Variants in KMT2C observed in about 807,000 individuals in gnomAD.
The protein encoded by KMT2C is histone-lysine N-methyltransferase 2C.
Under a neutral mutation model 507.9 loss-of-function variants are expected in KMT2C, and 88 were observed. That is an observed-to-expected ratio of 0.17 (90% CI 0.15 to 0.21). The LOEUF (loss-of-function observed/expected upper bound fraction) is 0.21, where lower values mean the gene tolerates loss of function less well. Among genes scored for constraint, KMT2C ranks in the 10% least tolerant of loss-of-function variants. The pLI, the probability that KMT2C is intolerant of heterozygous loss-of-function variation, is 1.00. For missense variants in KMT2C, 4,954 were observed against 5,957.8 expected (o/e 0.83, Z 5.55); for synonymous variants, 2,049 against 2,080.8 (o/e 0.98, Z 0.42).
intron 37 of KMT2C, among the ~76,000 whole-genome samples, chr7:152,178,310 C>G (rs2093300021): frequency 6.6e-6 from 1 of 152,020 alleles, no homozygotes; most frequent in Non-Finnish European, 1.5e-5. Context: ...ATCAATTGTT[C>G]AGAGATAAGA....
At position 152,187,829 on chromosome 7, in the gene KMT2C, G is replaced by C; in HGVS notation, c.4679C>G (p.Pro1560Arg). ...GGATCCAATAAGGCCATTCATGAGA[G>C]GCATCCGTGAAAAAGCATCTTCAGA... ...IHNQDAFSRMPLMNGLIGSSP... is the reference protein window; with the variant it reads ...IHNQDAFSRMRLMNGLIGSSP... Residue 1560 changes from proline to arginine, a missense_variant, in exon 32 of 59, where the codon CCT becomes CGT. By Grantham distance (103) the Pro-to-Arg change is moderately radical. Transcript: ENST00000262189. The C allele has an allele frequency of 6.2e-7, 1 of 1,612,426 alleles. No individual in the cohort carries two copies. The highest frequency in any genetic ancestry group is 1.1e-5 in the South Asian group (1 of 90,548).
chr7:152,369,931 G>A (rs563079998), intron 1 of KMT2C, among the ~76,000 whole-genome samples: 1 of 152,264 alleles, frequency 6.6e-6, no homozygotes, highest in African/African-American at 2.4e-5. Flanking sequence ...TGACAATAAG[G>A]TTGGGTGCGG....
intron 49 of KMT2C, 26 bp downstream of exon 49, chr7:152,152,679 G>T (rs2129097385): frequency 1.9e-6 from 3 of 1,610,662 alleles, no homozygotes; most frequent in East Asian, 4.5e-5. Flanking sequence ...ATGGATTTGG[G>T]GTTAACAAAA....
chr7:152,203,599 G>A (rs146738623), intron 25 of KMT2C, among the ~76,000 whole-genome samples: 1 of 152,226 alleles, frequency 6.6e-6, no homozygotes, highest in East Asian at 1.9e-4. Flanking sequence ...ACTTATTCTT[G>A]AAATCAGAAA....
Position 152,417,189 on chromosome 7 carries a change from G to C in KMT2C, c.161+18437C>G, listed in dbSNP as rs146163735. 1.1e-4 allele frequency among the ~76,000 whole-genome samples: 17 copies of C among 152,158 alleles called. No homozygotes were observed. In the East Asian group the frequency reaches 3.3e-3, roughly 29 times the overall value. On this transcript the variant is annotated intron_variant, in intron 1 of 58. Coordinates refer to ENST00000262189, the MANE Select transcript of KMT2C (RefSeq NM_170606.3). ...AAGAACTTACTAAGTAATAGGCACAGCTCACTGCAACCACTTCCTCCCAGG... is the reference window on the plus strand; with the variant it reads ...AAGAACTTACTAAGTAATAGGCACACCTCACTGCAACCACTTCCTCCCAGG...
intron 3 of KMT2C, among the ~76,000 whole-genome samples, chr7:152,325,921 T>C (rs2129208871): frequency 6.6e-6 from 1 of 152,220 alleles, no homozygotes; most frequent in Non-Finnish European, 1.5e-5. Flanking sequence ...CTTTTTTTTT[T>C]TTTTTAAAGT....
intron 1 of KMT2C, among the ~76,000 whole-genome samples, chr7:152,425,201 G>A (rs891677206): frequency 6.6e-6 from 1 of 151,990 alleles, no homozygotes; most frequent in Admixed American, 6.6e-5. Flanking sequence ...TAAAATGAGG[G>A]GTTAGACTCA....
chr7:152,390,512 T>C (rs553290992), intron 1 of KMT2C, among the ~76,000 whole-genome samples: 6 of 152,410 alleles, frequency 3.9e-5, no homozygotes, highest in Admixed American at 2.6e-4. Flanking sequence ...AAAATGGTCA[T>C]TATAGCTACT....
chr7:152,159,233 C>T (rs2092297288), intron 43 of KMT2C, among the ~76,000 whole-genome samples, 161 bp from the exon 44 acceptor site: 1 of 152,176 alleles, frequency 6.6e-6, no homozygotes, highest in Non-Finnish European at 1.5e-5. Flanking sequence ...TCCAAAAACA[C>T]CATCCTTTTC....
At chr7:152,359,931 C>A (rs1014815788) in intron 1 of KMT2C, among the ~76,000 whole-genome samples, 1 of 151,204 alleles carries the variant, frequency 6.6e-6, no homozygotes, top group Non-Finnish European at 1.5e-5. Flanking sequence ...TGCCTGTAAT[C>A]CCAGCTACTT....
chr7:152,307,195 G>GAGGGAGGGAGGA (rs1449535751), intron 6 of KMT2C, among the ~76,000 whole-genome samples: 81 of 64,940 alleles, frequency 1.2e-3, no homozygotes, highest in East Asian at 3.1e-3. Flanking sequence ...AAAGAAGAGG[G>GAGGGAGGGAGGA]AGGAAGGAAG....
In KMT2C at chr7:152,135,389, C is replaced by T. The variant is rs1038944657; in HGVS notation, c.*1443G>A. On this transcript the variant is annotated 3_prime_UTR_variant, in exon 59 of 59. Coordinates refer to ENST00000262189, the MANE Select transcript of KMT2C (RefSeq NM_170606.3). ...CTGATTAAGTTTCTACAAGCAAACA[C>T]AAAACAGTGTTTTTTTTATTAAAGA... The T allele has an allele frequency of 9.2e-6, 2 of 216,338 alleles. No individual in the cohort carries two copies. Among genetic ancestry groups the T allele is most frequent in the Admixed American group, 5.8e-5 (1 of 17,226 alleles). The allele number at this position is 216,338 out of a possible 1,614,324, so 13.4% of individuals were successfully genotyped here. A position where few individuals can be genotyped will look rare whatever the true frequency, so the allele number is the denominator to read the frequency against.
intron 23 of KMT2C, among the ~76,000 whole-genome samples, chr7:152,207,927 A>G (rs555569347): frequency 6.6e-6 from 1 of 152,304 alleles, no homozygotes; most frequent in East Asian, 1.9e-4. Context: ...GACCACCTCA[A>G]TCATTCCTAA....
chr7:152,218,428 T>C (rs2094647526), intron 23 of KMT2C, among the ~76,000 whole-genome samples: 1 of 152,024 alleles, frequency 6.6e-6, no homozygotes, highest in African/African-American at 2.4e-5. Flanking sequence ...CCTCCCAAAA[T>C]GCTGGGATTA....
At chr7:152,216,449 A>G (rs1487797288) in intron 23 of KMT2C, among the ~76,000 whole-genome samples, 1 of 152,218 alleles carries the variant, frequency 6.6e-6, no homozygotes, top group Non-Finnish European at 1.5e-5. Context: ...AGATGTGTGT[A>G]ATATAATGTG....
intron 1 of KMT2C, among the ~76,000 whole-genome samples, 159 bp downstream of exon 1, chr7:152,435,467 C>T (rs1001900667): frequency 2.1e-5 from 3 of 145,072 alleles, no homozygotes; most frequent in African/African-American, 7.4e-5. Context: ...CCGAGGGGCG[C>T]GGGGCCGGGG....
intron 27 of KMT2C, among the ~76,000 whole-genome samples, chr7:152,197,932 A>G (rs2094012593): frequency 6.6e-6 from 1 of 151,956 alleles, no homozygotes; most frequent in Admixed American, 6.6e-5. Flanking sequence ...AAATAAATAA[A>G]GAAAAAAAAA....
intron 1 of KMT2C, among the ~76,000 whole-genome samples, chr7:152,374,159 T>C (rs2097311122): frequency 6.6e-6 from 1 of 151,262 alleles, no homozygotes; most frequent in South Asian, 2.1e-4. Context: ...CTACTAAAAA[T>C]ACAAAAATTA....
At chr7:152,220,852 G>T in intron 22 of KMT2C, 117 bp from the exon 23 acceptor site, 1 of 701,114 alleles carries the variant, frequency 1.4e-6, no homozygotes, top group South Asian at 1.8e-5. Context: ...AAGCAATTAC[G>T]TATCTATGAA....
Sources: gnomAD v4.1 joint callset for allele counts (sites outside exome capture counted in the v4.1 genomes callset) on GRCh38, gnomAD v4.1.1 for gene constraint, MANE v1.5 for transcripts, NCBI Gene and HGNC (gene_info 2026-07-23, HGNC 2026-07-21) for gene names.